The following EIF4G2 variants were observed in gnomAD, a reference collection of about 807,000 sequenced individuals.
EIF4G2 encodes the protein eukaryotic translation initiation factor 4 gamma 2, also known as DAP-5.
EIF4G2 carries 8 observed loss-of-function variants against 117.7 expected under a neutral mutation model. The ratio of observed to expected loss-of-function variants is 0.07; its 90% CI spans 0.04 to 0.12. The LOEUF is 0.12. Ranked by LOEUF, EIF4G2 falls within the 10% of genes least tolerant of loss-of-function variation. The pLI is 1.00. For synonymous variants in EIF4G2, 413 were observed against 367.8 expected (o/e 1.12, Z -1.41); for missense variants, 812 against 1,086.2 (o/e 0.75, Z 3.55).
chr11:10,799,516 G>T (rs377699580), intron 19 of EIF4G2, 36 bp downstream of exon 19: 34 of 1,609,598 alleles, frequency 2.1e-5, no homozygotes, highest in Non-Finnish European at 2.8e-5. Flanking sequence ...TCCAGTACAT[G>T]AAACATTACC....
At chr11:10,798,593 A>G (rs1847329901) in intron 21 of EIF4G2, 1 of 161,462 alleles carries the variant, frequency 6.2e-6, no homozygotes. Context: ...TATGCTGCCC[A>G]GGCTGGTCTT....
At chr11:10,806,508 G>A (rs971012986) in intron 3 of EIF4G2, 7 of 354,514 alleles carry the variant, frequency 2.0e-5, no homozygotes, top group Non-Finnish European at 3.6e-5. Context: ...ATGTTTTATT[G>A]ACCATGTTGA....
At position 10,802,349 on chromosome 11, in the gene EIF4G2, C is replaced by T. The variant is rs1214701294; in HGVS notation, c.1083G>A (p.Met361Ile). 2.5e-6 allele frequency: 4 copies of T among 1,614,022 alleles called. No homozygotes were observed. In the East Asian group the frequency reaches 6.7e-5, roughly 27 times the overall value. The change falls in exon 12 of 22, where the codon ATG becomes ATA. Residue 361 changes from methionine to isoleucine, a missense_variant. By Grantham distance (10) the Met-to-Ile change is conservative. Around this residue, in one of 4 missense-constraint regions of EIF4G2, gnomAD observed 571 missense variants for 642.3 expected, o/e 0.89. Transcript: ENST00000339995. ...CTCCAAGTGGGTCCCTATCCATTTT[C>T]ATCCTGGGTGGCATGAACGGTCCCT...
intron 21 of EIF4G2, 80 bp downstream of exon 21, chr11:10,798,912 C>T (rs1847340940): frequency 6.6e-7 from 1 of 1,517,244 alleles, no homozygotes; most frequent in Non-Finnish European, 8.9e-7. Context: ...GCCTGTATTT[C>T]AGTTGAAAAA....
chr11:10,807,828 T>C, intron 1 of EIF4G2: 1 of 991,270 alleles, frequency 1.0e-6, no homozygotes, highest in Non-Finnish European at 1.2e-6. Context: ...CTCCTCCCCG[T>C]GGAGAGCTCG....
chr11:10,803,194 A>G lies in EIF4G2; in HGVS notation c.897+17T>C. 6.2e-7 allele frequency: 1 copy of G among 1,609,118 alleles called. No homozygotes were observed. Among genetic ancestry groups the G allele is most frequent in the African/African-American group, 1.3e-5 (1 of 74,618 alleles). On this transcript the variant is annotated intron_variant, in intron 10 of 21. Transcript: ENST00000339995. The surrounding 1 kb of genome is among the most constrained non-coding windows in gnomAD (Gnocchi z 4.0). ...AAAAACTCAGCTTACCAACAAATTTAAAGAAACCAGTATTACCTGCAGCAG... is the reference window on the plus strand; with the variant it reads ...AAAAACTCAGCTTACCAACAAATTTGAAGAAACCAGTATTACCTGCAGCAG...
Position 10,803,825 on chromosome 11 carries a change from C to T in EIF4G2, c.702+74G>A. ...CATCTGTATTTAACTAGTCAACCTC[C>T]CTCTTAGATGAATAATTGACTCATT... On this transcript the variant is annotated intron_variant, in intron 8 of 21. Transcript: ENST00000339995. This position sits in a 1 kb window ranked among gnomAD's most constrained non-coding sequence, Gnocchi z 4.0. 1 of 1,518,112 alleles carries T rather than the reference C, an allele frequency of 6.6e-7. No homozygotes were observed. Among genetic ancestry groups the T allele is most frequent in the Admixed American group, 2.0e-5 (1 of 50,352 alleles). 94.0% of individuals were successfully genotyped at this position (1,518,112 alleles called of 1,614,324 possible).
Position 10,803,695 on chromosome 11 carries a change from G to T in EIF4G2, c.703-105C>A, listed in dbSNP as rs948818574. ...CACTGACTCATTCACAGTTCCTACA[G>T]AATCTAGTATAGGGCTTTCTACCAG... On this transcript the variant is annotated intron_variant, in intron 8 of 21. Transcript: ENST00000339995. The surrounding 1 kb of genome is among the most constrained non-coding windows in gnomAD (Gnocchi z 4.0). 8.4e-7 allele frequency: 1 copy of T among 1,184,776 alleles called. No individual in the cohort carries two copies. The highest frequency in any genetic ancestry group is 1.2e-6 in the Non-Finnish European group (1 of 819,494). 73.4% of individuals were successfully genotyped at this position (1,184,776 alleles called of 1,614,324 possible).
rs1847442259 is a variant in EIF4G2 at position 10,802,218 on chromosome 11, AC to A, written c.1139-10del. On this transcript the variant is annotated splice_polypyrimidine_tract_variant and intron_variant, in intron 12 of 21. Transcript: ENST00000339995. ...AGTACCAATTCCGCTACCTTAAAAT[AC>A]ATATACGGACAACTCTCAAAACTAA... 3 of 1,612,576 alleles carry A rather than the reference AC, an allele frequency of 1.9e-6. No homozygotes were observed. Among genetic ancestry groups the A allele is most frequent in the Non-Finnish European group, 2.5e-6 (3 of 1,179,126 alleles).
At chr11:10,798,175 T>C (rs113893953) in intron 21 of EIF4G2, among the ~76,000 whole-genome samples, 3 of 152,248 alleles carry the variant, frequency 2.0e-5, no homozygotes, top group African/African-American at 7.2e-5. Flanking sequence ...GGAAAACTAG[T>C]AGCATGAGAA....
intron 3 of EIF4G2, chr11:10,806,350 A>T (rs531267831): frequency 1.5e-5 from 6 of 389,988 alleles, no homozygotes; most frequent in East Asian, 5.0e-5. Flanking sequence ...GAAAATTAAC[A>T]TTTTTTTTAA....
chr11:10,800,218 G>T lies in EIF4G2; in HGVS notation c.1991C>A (p.Pro664Gln). 2 of 1,614,174 alleles carry T rather than the reference G, an allele frequency of 1.2e-6. No homozygotes were observed. Among genetic ancestry groups the T allele is most frequent in the Non-Finnish European group, 1.7e-6 (2 of 1,180,028 alleles). The change falls in exon 18 of 22, where the codon CCA becomes CAA. Residue 664 changes from proline to glutamine, a missense_variant. Pro to Gln is a moderately conservative substitution (Grantham distance 76, BLOSUM62 -1). Around this residue, in one of 4 missense-constraint regions of EIF4G2, gnomAD observed 571 missense variants for 642.3 expected, o/e 0.89. Transcript: ENST00000339995. Reference sequence around the variant, plus strand: ...AGGAAAATGGGTGCCACTTTCTAGTGGTTGAGCTAGTTCTGAAATGCTCAC... The same window carrying T: ...AGGAAAATGGGTGCCACTTTCTAGTTGTTGAGCTAGTTCTGAAATGCTCAC...
At chr11:10,801,147 T>C (rs1564981888) in intron 14 of EIF4G2, 60 bp from the exon 15 acceptor site, 13 of 1,599,760 alleles carry the variant, frequency 8.1e-6, no homozygotes, top group Non-Finnish European at 1.1e-5. Flanking sequence ...ACATATTAAA[T>C]ACAACATTCT....
chr11:10,800,034 G>C (rs938085863), intron 18 of EIF4G2, 56 bp downstream of exon 18: 1 of 1,567,042 alleles, frequency 6.4e-7, no homozygotes, highest in Admixed American at 1.8e-5. Context: ...CAAGGTACCT[G>C]AAATCTCTAG....
intron 1 of EIF4G2, 193 bp downstream of exon 1, chr11:10,808,512 C>T (rs1347469361): frequency 1.6e-6 from 2 of 1,221,852 alleles, no homozygotes; most frequent in South Asian, 1.3e-5. Flanking sequence ...TTTCCTTCTA[C>T]TCCGTCAGCA....
chr11:10,808,334 G>T, intron 1 of EIF4G2: 2 of 1,197,494 alleles, frequency 1.7e-6, no homozygotes, highest in Non-Finnish European at 2.1e-6. Context: ...CCGCGCCAAC[G>T]GCCTGGCCTT....
At chr11:10,801,121 A>G in intron 14 of EIF4G2, 34 bp from the exon 15 acceptor site, 1 of 1,612,300 alleles carries the variant, frequency 6.2e-7, no homozygotes, top group Non-Finnish European at 8.5e-7. Flanking sequence ...CTAAATTAAC[A>G]ACATGCAGTT....
chr11:10,800,323 C>T lies in EIF4G2; in HGVS notation c.1886G>A (p.Cys629Tyr). Residue 629 changes from cysteine (C) to tyrosine (Y), a missense_variant, in exon 18 of 22, where the codon TGT (cysteine) becomes TAT (tyrosine). Cys to Tyr is a radical substitution (Grantham distance 194, BLOSUM62 -2). Transcript: ENST00000339995. ...AGGGATGTCAACCTCCAGTTTGGGA[C>T]ACTGGTCCAATACATTCAGGAAAGC... 6 of 1,614,146 alleles carry T rather than the reference C, an allele frequency of 3.7e-6. No individual in the cohort carries two copies. The highest frequency in any genetic ancestry group is 5.1e-6 in the Non-Finnish European group (6 of 1,179,990).
At chr11:10,806,126 A>G in intron 3 of EIF4G2, 79 bp from the exon 4 acceptor site, 1 of 1,591,928 alleles carries the variant, frequency 6.3e-7, no homozygotes, top group South Asian at 1.1e-5. Flanking sequence ...ACATAGAAAA[A>G]AGTAATTTAG....
Sources: gnomAD v4.1 joint callset for allele counts (sites outside exome capture counted in the v4.1 genomes callset) on GRCh38, gnomAD v4.1.1 for gene constraint, gnomAD v4.1.1 regional missense constraint, Gnocchi (gnomAD v3.1) non-coding constraint, MANE v1.5 for transcripts, NCBI Gene and HGNC (gene_info 2026-07-23, HGNC 2026-07-21) for gene names.